Variants in NFU1 observed in about 807,000 individuals in gnomAD.
NFU1 encodes the protein NFU1 iron-sulfur cluster scaffold homolog, mitochondrial.
Under a neutral mutation model 32.2 loss-of-function variants are expected in NFU1, and 30 were observed. That is an observed-to-expected ratio of 0.93 (90% CI 0.70 to 1.26). The LOEUF (loss-of-function observed/expected upper bound fraction) is 1.26. Ranked by LOEUF, NFU1 falls within the 50% of genes most tolerant of loss-of-function variation. The pLI is 0.00. For missense variants in NFU1, 306 were observed against 306.6 expected, an observed-to-expected ratio of 1.00 and a Z score of 0.02; for synonymous variants, 112 against 104.6, an observed-to-expected ratio of 1.07 and a Z score of -0.43.
At chr2:69,428,208 T>C (rs920223904) in intron 2 of NFU1, among the ~76,000 whole-genome samples, 2 of 152,136 alleles carry the variant, frequency 1.3e-5, no homozygotes, top group Non-Finnish European at 2.9e-5. Flanking sequence ...GCGGATCACC[T>C]GAGGTCAGGA....
intron 1 of NFU1, among the ~76,000 whole-genome samples, chr2:69,434,594 C>T (rs774085440): frequency 1.3e-5 from 2 of 152,152 alleles, no homozygotes; most frequent in Non-Finnish European, 2.9e-5. Context: ...AATCCCAATG[C>T]AATTTACTTT....
upstream of NFU1, among the ~76,000 whole-genome samples, chr2:69,438,765 G>A (rs564943269): frequency 2.4e-4 from 37 of 152,048 alleles, no homozygotes; most frequent in African/African-American, 8.4e-4. Context: ...CCTGCAGCTC[G>A]CCCGGGCCCG....
At chr2:69,425,167 CG>C (rs1257098532) in intron 2 of NFU1, among the ~76,000 whole-genome samples, 2 of 151,638 alleles carry the variant, frequency 1.3e-5, no homozygotes, top group Non-Finnish European at 2.9e-5. Context: ...TGTGAGCCAC[CG>C]CGCCCAGCCA....
At chr2:69,437,226 CG>C in intron 1 of NFU1, 134 bp downstream of exon 1, 1 of 1,472,474 alleles carries the variant, frequency 6.8e-7, no homozygotes, top group East Asian at 2.5e-5. Context: ...CCCCCAACTA[CG>C]GCGACAGGGC....
chr2:69,437,756 C>T (rs1001330483), upstream of NFU1: 3 of 455,648 alleles, frequency 6.6e-6, no homozygotes, highest in African/African-American at 4.0e-5. Context: ...TTTCCAGCCC[C>T]TAAACCTGAC....
intron 5 of NFU1, among the ~76,000 whole-genome samples, chr2:69,413,369 A>G (rs996111789): frequency 8.6e-5 from 13 of 151,754 alleles, no homozygotes; most frequent in Non-Finnish European, 1.8e-4. Flanking sequence ...AAATGATGAC[A>G]AAGATATAAG....
At chr2:69,417,499 A>T (rs952350865) in intron 4 of NFU1, among the ~76,000 whole-genome samples, 6 of 151,810 alleles carry the variant, frequency 4.0e-5, no homozygotes, top group East Asian at 1.9e-4. Flanking sequence ...AAATAAAAAA[A>T]AAATTAGCTG....
intron 6 of NFU1, among the ~76,000 whole-genome samples, chr2:69,404,667 T>C (rs1452509674): frequency 1.4e-5 from 2 of 140,652 alleles, no homozygotes; most frequent in Non-Finnish European, 3.1e-5. Flanking sequence ...TCGCCCAGGC[T>C]GGAGTGCAAT....
intron 2 of NFU1, among the ~76,000 whole-genome samples, chr2:69,425,503 C>T (rs1363494602): frequency 2.0e-5 from 3 of 151,650 alleles, no homozygotes; most frequent in African/African-American, 7.3e-5. Context: ...TATAGGCATG[C>T]ACCACCATGC....
Position 69,419,576 on chromosome 2 carries a change from T to A in NFU1, c.331A>T (p.Ser111Cys). 6.3e-7 allele frequency: 1 copy of A among 1,590,310 alleles called. No individual in the cohort carries two copies. Among genetic ancestry groups the A allele is most frequent in the Non-Finnish European group, 8.6e-7 (1 of 1,159,614 alleles). The change falls in exon 4 of 8, where the codon AGT becomes TGT. Residue 111 changes from serine (S) to cysteine (C), a missense_variant. Transcript: ENST00000410022. ...RQLFRIEGVK[S>C]VFFGPDFITV... is the part of the protein sequence containing the mutation. ...ATGAAATCTGGTCCAAAGAAGACACTTTTTACTCCTTCAATCCTAAATAAC... is the reference window on the plus strand; with the variant it reads ...ATGAAATCTGGTCCAAAGAAGACACATTTTACTCCTTCAATCCTAAATAAC...
chr2:69,403,528 G>A (rs1242936152), intron 6 of NFU1, among the ~76,000 whole-genome samples: 5 of 151,866 alleles, frequency 3.3e-5, no homozygotes, highest in Non-Finnish European at 5.9e-5. Context: ...GAGACTACAG[G>A]TGCACACCAC....
chr2:69,417,311 T>C (rs1243832082), intron 4 of NFU1, among the ~76,000 whole-genome samples: 1 of 152,018 alleles, frequency 6.6e-6, no homozygotes, highest in South Asian at 2.1e-4. Flanking sequence ...GAAACATTAC[T>C]GGAAGAAAAC....
intron 3 of NFU1, among the ~76,000 whole-genome samples, chr2:69,422,549 T>A (rs1467889695): frequency 6.6e-6 from 1 of 152,210 alleles, no homozygotes; most frequent in Non-Finnish European, 1.5e-5. Context: ...GTTCTCATTA[T>A]TCTTAAAAAT....
chr2:69,409,636 T>C (rs973893878), intron 5 of NFU1, among the ~76,000 whole-genome samples: 1 of 152,168 alleles, frequency 6.6e-6, no homozygotes, highest in African/African-American at 2.4e-5. Context: ...TCAAGCTGCT[T>C]ACCCCCATGG....
chr2:69,404,615 A>ATATTTTTTTT lies in NFU1; in HGVS notation c.545+1406_545+1407insAAAAAAAATA, dbSNP rs1426118283. On this transcript the variant is annotated intron_variant, in intron 6 of 7. Coordinates refer to ENST00000410022, the MANE Select transcript of NFU1 (RefSeq NM_001002755.4). ...CACTTAATAACTACTATCTTAGCAA[A>ATATTTTTTTT]TTTTTTTTTTTTTTTTTTTTTTTGA... Among the ~76,000 whole-genome samples, 284 of 73,032 alleles carry ATATTTTTTTT rather than the reference A, an allele frequency of 3.9e-3. 17 individuals carry two copies. The highest frequency in any genetic ancestry group is 0.011 in the South Asian group (21 of 1,872). 47.9% of individuals were successfully genotyped at this position (73,032 alleles called of 152,430 possible).
rs188071999 is a variant in NFU1, at chr2:69,431,256, A to T, written c.166+646T>A. Among the ~76,000 whole-genome samples, 169 of 152,254 alleles carry T rather than the reference A, an allele frequency of 1.1e-3. 1 individual carries two copies. The highest frequency in any genetic ancestry group is 3.1e-4 in the Non-Finnish European group (21 of 68,020). ...ATTTTAAGGGTATTCTTATCCAAAAAAAGGACAGCAGTAGCTTTAAATACA... is the reference window on the plus strand; with the variant it reads ...ATTTTAAGGGTATTCTTATCCAAAATAAGGACAGCAGTAGCTTTAAATACA... On this transcript the variant is annotated intron_variant, in intron 2 of 7. Coordinates refer to ENST00000410022, the MANE Select transcript of NFU1 (RefSeq NM_001002755.4).
At chr2:69,402,221 C>T (rs1404357358) in intron 6 of NFU1, among the ~76,000 whole-genome samples, 11 of 152,116 alleles carry the variant, frequency 7.2e-5, no homozygotes, top group Admixed American at 6.6e-4. Context: ...TTGCGAAGTA[C>T]CTGCTCCAGT....
chr2:69,405,172 G>A (rs758581582), intron 6 of NFU1, among the ~76,000 whole-genome samples: 27 of 152,132 alleles, frequency 1.8e-4, no homozygotes, highest in Non-Finnish European at 2.8e-4. Context: ...GCTTGAACCC[G>A]GGAGGCGAGG....
At chr2:69,413,338 T>TAAAAAAAAAAA (rs199601356) in intron 5 of NFU1, among the ~76,000 whole-genome samples, 1 of 137,136 alleles carries the variant, frequency 7.3e-6, no homozygotes. Flanking sequence ...AACATACGGG[T>TAAAAAAAAAAA]AAAAAAAAAA....
Sources: allele counts gnomAD v4.1 joint callset (sites outside exome capture counted in the v4.1 genomes callset), GRCh38; gene constraint gnomAD v4.1.1; transcripts MANE v1.5; gene names NCBI Gene and HGNC (gene_info 2026-07-23, HGNC 2026-07-21).